Variants in CNOT4 observed in about 807,000 individuals in gnomAD.
The protein encoded by CNOT4 is CCR4-NOT transcription complex subunit 4, also known as CCR4-associated factor 4.
In CNOT4, 8 loss-of-function variants were observed where a neutral mutation model predicts 73.8. The observed-to-expected ratio is 0.11, with a 90% CI of 0.06 to 0.20. The LOEUF (loss-of-function observed/expected upper bound fraction) is 0.20. Among genes scored for constraint, CNOT4 ranks in the 10% least tolerant of loss-of-function variants. CNOT4 has a pLI of 1.00. For synonymous variants in CNOT4, 293 were observed against 321.1 expected (o/e 0.91, Z 0.94); for missense variants, 564 against 883.4 (o/e 0.64, Z 4.58).
In CNOT4 at chr7:135,363,837, G is replaced by C. The variant is rs758771595; in HGVS notation, c.1840+17C>G. The C allele has an allele frequency of 2.5e-6, 4 of 1,575,848 alleles. 1 individual carries two copies. The South Asian group carries it at 4.5e-5, about 18-fold the overall frequency. ...ACTGTTGGCAGTCAGTGTAGCTGAA[G>C]GGAGTGAGAAAGTTACCTGTGATGA... On this transcript the variant is annotated intron_variant, in intron 11 of 11. Transcript: ENST00000541284. This position sits in a 1 kb window ranked among gnomAD's most constrained non-coding sequence, Gnocchi z 4.3.
At chr7:135,378,865 G>GC (rs1238042342) in intron 10 of CNOT4, among the ~76,000 whole-genome samples, 1 of 151,848 alleles carries the variant, frequency 6.6e-6, no homozygotes, top group African/African-American at 2.4e-5. Flanking sequence ...TGTGCATGTA[G>GC]CCCCAGCTAC....
intron 7 of CNOT4, among the ~76,000 whole-genome samples, chr7:135,408,401 A>AT (rs1400034917): frequency 6.6e-6 from 1 of 152,216 alleles, no homozygotes; most frequent in African/African-American, 2.4e-5. Flanking sequence ...CTCTGTGTAT[A>AT]ATGGTTTATA....
At chr7:135,488,405 G>A (rs1409472437) in intron 1 of CNOT4, among the ~76,000 whole-genome samples, 1 of 152,164 alleles carries the variant, frequency 6.6e-6, no homozygotes, top group African/African-American at 2.4e-5. Context: ...TAGAGAAGGG[G>A]TTTCACCGTG....
chr7:135,441,275 T>C (rs1234979299), intron 1 of CNOT4, among the ~76,000 whole-genome samples: 1 of 151,994 alleles, frequency 6.6e-6, no homozygotes, highest in Non-Finnish European at 1.5e-5. Context: ...AATGGCCCTT[T>C]AAAAAAAGAG....
At chr7:135,390,622 C>CA (rs536773619) in intron 10 of CNOT4, among the ~76,000 whole-genome samples, 4 of 150,088 alleles carry the variant, frequency 2.7e-5, no homozygotes, top group Non-Finnish European at 5.9e-5. Flanking sequence ...TCAATTAGAT[C>CA]AAAAAAAAAG....
chr7:135,424,076 CACACACACACACACAT>C (rs1385495388), intron 2 of CNOT4, among the ~76,000 whole-genome samples: 2 of 114,652 alleles, frequency 1.7e-5, no homozygotes, highest in Non-Finnish European at 3.9e-5. Context: ...CACACACACA[CACACACACACACACAT>C]TTTTTATTAA....
rs372291390 is a variant in CNOT4 at position 135,436,724 on chromosome 7, CCTAA to C, written c.174+1430_174+1433del. Among the ~76,000 whole-genome samples, 780 of 151,116 alleles carry C rather than the reference CCTAA, an allele frequency of 5.2e-3. 3 individuals carry two copies. Among genetic ancestry groups the C allele is most frequent in the Non-Finnish European group, 8.3e-3 (560 of 67,758 alleles). On this transcript the variant is annotated intron_variant, in intron 2 of 11. Transcript: ENST00000541284. ...TAAACTATATTAACATTGAAATAGA[CCTAA>C]CTTTTTATTCATATAATATATATAC... is the stretch of plus-strand genomic sequence containing the variant.
In CNOT4 at chr7:135,507,733, G is replaced by C. The variant is rs370811396; in HGVS notation, c.-93+2156C>G. On this transcript the variant is annotated intron_variant, in intron 1 of 11. Transcript: ENST00000541284. Reference sequence around the variant, plus strand: ...GCCAAGAGTTTCTAAACCTGTGTTAGGATTTTTAAAAGTGGAAAGCTTCTC... The same window carrying C: ...GCCAAGAGTTTCTAAACCTGTGTTACGATTTTTAAAAGTGGAAAGCTTCTC... Among the ~76,000 whole-genome samples, 17 of 152,156 alleles carry C rather than the reference G, an allele frequency of 1.1e-4. No homozygotes were observed. The East Asian group carries it at 3.1e-3, about 28-fold the overall frequency.
chr7:135,495,011 C>T (rs1208380604), intron 1 of CNOT4, among the ~76,000 whole-genome samples: 1 of 152,178 alleles, frequency 6.6e-6, no homozygotes, highest in Admixed American at 6.5e-5. Flanking sequence ...TAAATAATTA[C>T]ATCCTCACAA....
intron 1 of CNOT4, among the ~76,000 whole-genome samples, chr7:135,465,823 G>A (rs1801185319): frequency 6.6e-6 from 1 of 152,024 alleles, no homozygotes; most frequent in South Asian, 2.1e-4. Context: ...CGAGGCAGGT[G>A]GATCACTTGA....
At chr7:135,382,583 GA>G (rs11448872) in intron 10 of CNOT4, among the ~76,000 whole-genome samples, 9 of 147,224 alleles carry the variant, frequency 6.1e-5, no homozygotes, top group Admixed American at 2.0e-4. Flanking sequence ...CTGACTAGGA[GA>G]AAAAAAAAAA....
intron 2 of CNOT4, among the ~76,000 whole-genome samples, chr7:135,427,688 T>C (rs1798582001): frequency 6.6e-6 from 1 of 152,260 alleles, no homozygotes; most frequent in Non-Finnish European, 1.5e-5. Flanking sequence ...TACTATTTTT[T>C]TAGGGTTCTA....
chr7:135,471,613 TTATGTATA>T (rs1382729527), intron 1 of CNOT4, among the ~76,000 whole-genome samples: 1 of 152,212 alleles, frequency 6.6e-6, no homozygotes, highest in African/African-American at 2.4e-5. Context: ...ATTATCTATT[TTATGTATA>T]TATGTATGTA....
rs1398522000 is a variant in CNOT4, at chr7:135,455,298, C to T, written c.-92-16875G>A. On this transcript the variant is annotated intron_variant, in intron 1 of 11. Coordinates refer to ENST00000541284, the MANE Select transcript of CNOT4 (RefSeq NM_001190850.2). Reference sequence around the variant, plus strand: ...TCCTAAAAAAAAAAAAACTATGTGGCGAAAAAAAAAGCTTTAAATTCATAT... The same window carrying T: ...TCCTAAAAAAAAAAAAACTATGTGGTGAAAAAAAAAGCTTTAAATTCATAT... Among the ~76,000 whole-genome samples the T allele has an allele frequency of 6.7e-5, 10 of 149,648 alleles. No individual in the cohort carries two copies. In the East Asian group the frequency reaches 7.9e-4, roughly 12 times the overall value.
intron 1 of CNOT4, among the ~76,000 whole-genome samples, chr7:135,440,586 A>C (rs748290387): frequency 6.6e-6 from 1 of 152,112 alleles, no homozygotes; most frequent in Non-Finnish European, 1.5e-5. Flanking sequence ...AGTGACACCA[A>C]CATAGCCAAG....
intron 1 of CNOT4, among the ~76,000 whole-genome samples, chr7:135,461,000 TA>T (rs1335456107): frequency 1.3e-5 from 2 of 152,216 alleles, no homozygotes; most frequent in Admixed American, 6.5e-5. Context: ...TGTAAAAATG[TA>T]AAAAGCATTT....
At chr7:135,408,479 A>G (rs1343549633) in intron 7 of CNOT4, among the ~76,000 whole-genome samples, 1 of 152,192 alleles carries the variant, frequency 6.6e-6, no homozygotes, top group African/African-American at 2.4e-5. Flanking sequence ...AAGAAAATAC[A>G]CTAACACTTT....
At chr7:135,426,674 G>A (rs1339196671) in intron 2 of CNOT4, among the ~76,000 whole-genome samples, 1 of 151,476 alleles carries the variant, frequency 6.6e-6, no homozygotes, top group East Asian at 1.9e-4. Context: ...TGTAATCCCA[G>A]TACTTTGGGA....
rs10617849 is a variant in CNOT4, at chr7:135,372,555, G to GTT, written c.1628-8491_1628-8490dup. ...TATAACCCTGAACGTTTGCTACCATGTTTTTTTTTTTTTTTTTTGGAGACG... is the reference window on the plus strand; with the variant it reads ...TATAACCCTGAACGTTTGCTACCATGTTTTTTTTTTTTTTTTTTTTGGAGACG... On this transcript the variant is annotated intron_variant, in intron 10 of 11. Transcript: ENST00000541284. Among the ~76,000 whole-genome samples, 925 of 119,224 alleles carry GTT rather than the reference G, an allele frequency of 7.8e-3. 14 individuals are homozygous for GTT. The highest frequency in any genetic ancestry group is 0.017 in the East Asian group (75 of 4,374). 78.2% of individuals were successfully genotyped at this position (119,224 alleles called of 152,430 possible). A position where few individuals can be genotyped will look rare whatever the true frequency, so the allele number is the denominator to read the frequency against.
Sources: gnomAD v4.1 joint callset for allele counts (sites outside exome capture counted in the v4.1 genomes callset) on GRCh38, gnomAD v4.1.1 for gene constraint, Gnocchi (gnomAD v3.1) non-coding constraint, MANE v1.5 for transcripts, NCBI Gene and HGNC (gene_info 2026-07-23, HGNC 2026-07-21) for gene names.